The following CUX1 variants were observed in gnomAD, a reference collection of about 807,000 sequenced individuals.
The protein encoded by CUX1 is cut like homeobox 1.
Under a neutral mutation model 158.8 loss-of-function variants are expected in CUX1, and 31 were observed. The observed-to-expected ratio is 0.20, with a 90% CI of 0.15 to 0.26. The LOEUF (loss-of-function observed/expected upper bound fraction) is 0.26. Ranked by LOEUF, CUX1 falls within the 10% of genes least tolerant of loss-of-function variation. CUX1 has a pLI of 1.00. For missense variants in CUX1, 1,589 were observed against 2,014.6 expected (o/e 0.79, Z 4.04); for synonymous variants, 879 against 862.1 (o/e 1.02, Z -0.34).
At chr7:102,228,250 C>T (rs1374654536) in intron 21 of CUX1, among the ~76,000 whole-genome samples, 1 of 152,096 alleles carries the variant, frequency 6.6e-6, no homozygotes, top group Non-Finnish European at 1.5e-5. Flanking sequence ...AGGCATGAGC[C>T]ATCGTGCCTG....
At chr7:101,830,881 G>A (rs893803793) in intron 1 of CUX1, among the ~76,000 whole-genome samples, 9 of 152,114 alleles carry the variant, frequency 5.9e-5, no homozygotes, top group African/African-American at 2.2e-4. Flanking sequence ...CAGCACATTC[G>A]AGTGAAGTTG....
intron 8 of CUX1, among the ~76,000 whole-genome samples, chr7:102,147,435 T>A (rs1373087583): frequency 6.6e-6 from 1 of 152,196 alleles, no homozygotes; most frequent in Non-Finnish European, 1.5e-5. Flanking sequence ...GGTTCTGCAC[T>A]CCAGGACCTC....
intron 11 of CUX1, among the ~76,000 whole-genome samples, chr7:102,181,080 T>C (rs765089036): frequency 6.6e-5 from 10 of 151,966 alleles, no homozygotes; most frequent in Admixed American, 3.3e-4. Flanking sequence ...TAGCTGGGAT[T>C]ACAGGCATGA....
intron 20 of CUX1, among the ~76,000 whole-genome samples, chr7:102,222,428 A>G (rs755625275): frequency 1.3e-5 from 2 of 152,152 alleles, no homozygotes; most frequent in African/African-American, 4.8e-5. Context: ...TAACCAAGTC[A>G]CGTTGCCTGT....
At chr7:102,043,511 G>A (rs1822372414) in intron 3 of CUX1, among the ~76,000 whole-genome samples, 1 of 152,046 alleles carries the variant, frequency 6.6e-6, no homozygotes, top group African/African-American at 2.4e-5. Context: ...TTCAAGGACT[G>A]GGGGACCTTG....
chr7:101,948,634 A>G (rs1160035447), intron 2 of CUX1, among the ~76,000 whole-genome samples: 4 of 152,122 alleles, frequency 2.6e-5, no homozygotes, highest in Non-Finnish European at 5.9e-5. Flanking sequence ...TTGTTGTAAG[A>G]GCCAAATTAG....
intron 2 of CUX1, among the ~76,000 whole-genome samples, chr7:101,984,121 T>C (rs1230341843): frequency 0.012 from 515 of 41,644 alleles, 51 homozygotes; most frequent in African/African-American, 0.039. Context: ...TATATATATA[T>C]ATATATATAC....
chr7:102,241,769 C>T (rs926351989), intron 23 of CUX1, among the ~76,000 whole-genome samples: 5 of 152,252 alleles, frequency 3.3e-5, no homozygotes, highest in African/African-American at 7.2e-5. Flanking sequence ...GCCCTGGCCC[C>T]GCACAGGCCT....
intron 8 of CUX1, among the ~76,000 whole-genome samples, chr7:102,127,479 G>T (rs563169267): frequency 1.3e-5 from 2 of 152,272 alleles, no homozygotes; most frequent in East Asian, 1.9e-4. Context: ...TGCTGAGTGG[G>T]ATTATAGGCA....
rs1801156626 is a variant in CUX1, at chr7:102,248,928, C to G, written c.4404C>G (p.Ala1468=). ...TCGGCCTCCCCGAGGCCGCGGGCGC[C>G]CGGGACTCGCGCGACAACCCCCTGC... ...SLFGLPEAAG[A]RDSRDNPLRK... is the part of the protein sequence containing the mutation. The change falls in exon 24 of 24, where the codon GCC becomes GCG. Residue 1468 remains alanine, a synonymous_variant. Transcript: ENST00000292535. The surrounding 1 kb of genome is among the most constrained non-coding windows in gnomAD (Gnocchi z 5.8). 3 of 1,472,404 alleles carry G rather than the reference C, an allele frequency of 2.0e-6. No individual in the cohort carries two copies. The highest frequency in any genetic ancestry group is 2.7e-6 in the Non-Finnish European group (3 of 1,107,284). 91.2% of individuals were successfully genotyped at this position (1,472,404 alleles called of 1,614,324 possible).
intron 3 of CUX1, among the ~76,000 whole-genome samples, chr7:102,041,855 G>T (rs922471153): frequency 3.3e-5 from 5 of 151,990 alleles, no homozygotes; most frequent in Non-Finnish European, 7.4e-5. Flanking sequence ...TTTTAGTAGA[G>T]ACGGGATTTT....
At chr7:101,862,090 C>T (rs1272921902) in intron 1 of CUX1, among the ~76,000 whole-genome samples, 1 of 152,222 alleles carries the variant, frequency 6.6e-6, no homozygotes, top group African/African-American at 2.4e-5. Context: ...CCACCTTGGC[C>T]TCCCAAAGTG....
chr7:102,142,424 A>G (rs1341177347), intron 8 of CUX1, among the ~76,000 whole-genome samples: 1 of 152,194 alleles, frequency 6.6e-6, no homozygotes, highest in Non-Finnish European at 1.5e-5. Context: ...AACAATGGGT[A>G]TAGATGACAG....
intron 2 of CUX1, chr7:101,961,221 C>T (rs1810448030): frequency 6.6e-6 from 1 of 152,128 alleles, no homozygotes. Flanking sequence ...CTGTGTGTCC[C>T]TGGGCAGCGT....
At chr7:102,004,953 A>T (rs970881412) in intron 2 of CUX1, among the ~76,000 whole-genome samples, 2 of 152,242 alleles carry the variant, frequency 1.3e-5, no homozygotes, top group African/African-American at 4.8e-5. Flanking sequence ...AAAAGTGTAA[A>T]AACCATTCTT....
chr7:101,846,526 C>T (rs541857602), intron 1 of CUX1, among the ~76,000 whole-genome samples: 7 of 152,110 alleles, frequency 4.6e-5, no homozygotes, highest in Middle Eastern at 3.4e-3. Context: ...TTTGTAAAGG[C>T]GATGTTGTTC....
At chr7:101,989,127 A>G (rs1054271314) in intron 2 of CUX1, among the ~76,000 whole-genome samples, 2 of 151,986 alleles carry the variant, frequency 1.3e-5, no homozygotes, top group African/African-American at 4.8e-5. Context: ...CTGCCCCTCC[A>G]TGAACCTTCC....
intron 8 of CUX1, among the ~76,000 whole-genome samples, chr7:102,123,496 C>G (rs1263759323): frequency 2.7e-5 from 4 of 150,552 alleles, no homozygotes; most frequent in African/African-American, 9.8e-5. Context: ...ATAGTCCCAG[C>G]TACTCGGGAG....
At chr7:101,918,815 C>T (rs1335278920) in intron 2 of CUX1, among the ~76,000 whole-genome samples, 1 of 152,170 alleles carries the variant, frequency 6.6e-6, no homozygotes, top group Non-Finnish European at 1.5e-5. Flanking sequence ...TGGAGGACCA[C>T]CCAATCGCTC....
Sources: allele counts gnomAD v4.1 joint callset (sites outside exome capture counted in the v4.1 genomes callset), GRCh38; gene constraint gnomAD v4.1.1; non-coding constraint Gnocchi (gnomAD v3.1); transcripts MANE v1.5; gene names NCBI Gene and HGNC (gene_info 2026-07-23, HGNC 2026-07-21).